The following SERPINA6 variants were observed in gnomAD, a reference collection of about 807,000 sequenced individuals.
SERPINA6 encodes the protein corticosteroid-binding globulin.
In SERPINA6, 19 loss-of-function variants were observed where a neutral mutation model predicts 26.4. That is an observed-to-expected ratio of 0.72 (90% CI 0.50 to 1.06). The LOEUF (loss-of-function observed/expected upper bound fraction) is 1.06. SERPINA6 is among the 50% of genes least tolerant of loss of function. The probability of loss-of-function intolerance (pLI) is 0.00; values close to 1 mark genes in which losing one functional copy is unlikely to be tolerated. For synonymous variants in SERPINA6, 196 were observed against 199.4 expected (o/e 0.98, Z 0.14); for missense variants, 473 against 504.0 (o/e 0.94, Z 0.59).
chr14:94,318,206 C>T (rs557462657), intron 1 of SERPINA6, among the ~76,000 whole-genome samples: 1 of 152,240 alleles, frequency 6.6e-6, no homozygotes, highest in Admixed American at 6.5e-5. Context: ...AGACATCCTG[C>T]ATTCATGGAT....
At chr14:94,309,664 T>G in intron 3 of SERPINA6, 72 bp downstream of exon 3, 2 of 1,557,688 alleles carry the variant, frequency 1.3e-6, no homozygotes, top group East Asian at 4.5e-5. Flanking sequence ...CCCAGCATAC[T>G]CCCTTTCCAC....
chr14:94,304,652 C>T (rs376277710), intron 4 of SERPINA6, 49 bp from the exon 5 acceptor site: 43 of 1,524,032 alleles, frequency 2.8e-5, no homozygotes, highest in South Asian at 1.8e-4. Flanking sequence ...TGTGCGTTCT[C>T]GCTTTCCTGA....
At chr14:94,305,923 G>A (rs1895431102) in intron 4 of SERPINA6, 148 bp downstream of exon 4, 6 of 806,672 alleles carry the variant, frequency 7.4e-6, no homozygotes, top group Non-Finnish European at 4.1e-6. Context: ...TTACCTCATG[G>A]TGAGACAAGG....
chr14:94,313,568 T>C (rs916105982), intron 2 of SERPINA6, among the ~76,000 whole-genome samples: 1 of 152,138 alleles, frequency 6.6e-6, no homozygotes, highest in African/African-American at 2.4e-5. Context: ...GGAAGTGCAT[T>C]CCCCCCTAGA....
At chr14:94,323,050 C>T (rs987357287) in intron 1 of SERPINA6, among the ~76,000 whole-genome samples, 5 of 152,204 alleles carry the variant, frequency 3.3e-5, no homozygotes, top group African/African-American at 1.2e-4. Context: ...ATGGCAGGAA[C>T]CCAGGGGACA....
chr14:94,322,958 T>C (rs1296425394), intron 1 of SERPINA6, among the ~76,000 whole-genome samples: 1 of 152,186 alleles, frequency 6.6e-6, no homozygotes, highest in African/African-American at 2.4e-5. Context: ...CTGTTGTGGC[T>C]ATCTGGCTGG....
At chr14:94,310,059 G>A in intron 2 of SERPINA6, 53 bp from the exon 3 acceptor site, 3 of 1,590,984 alleles carry the variant, frequency 1.9e-6, no homozygotes, top group Non-Finnish European at 2.6e-6. Flanking sequence ...CACAGTTCCA[G>A]GTGATCTCAC....
intron 1 of SERPINA6, among the ~76,000 whole-genome samples, chr14:94,317,222 A>G (rs1445444441): frequency 6.6e-6 from 1 of 152,252 alleles, no homozygotes; most frequent in African/African-American, 2.4e-5. Context: ...ATGTTTCAAC[A>G]TACAAAAATT....
At chr14:94,312,784 C>T (rs532018785) in intron 2 of SERPINA6, among the ~76,000 whole-genome samples, 7 of 145,730 alleles carry the variant, frequency 4.8e-5, no homozygotes, top group Non-Finnish European at 9.0e-5. Context: ...TAAGGAGGTG[C>T]GGGATGGGAG....
intron 2 of SERPINA6, among the ~76,000 whole-genome samples, chr14:94,313,462 G>A (rs1566728017): frequency 6.6e-6 from 1 of 152,236 alleles, no homozygotes; most frequent in Admixed American, 6.5e-5. Flanking sequence ...TCAGAGAGAT[G>A]TGATGAGGGA....
Position 94,306,192 on chromosome 14 carries a change from AC to A in SERPINA6, c.910del (p.Val304SerfsTer37). 1.2e-6 allele frequency: 2 copies of A among 1,614,172 alleles called. No individual in the cohort carries two copies. The highest frequency in any genetic ancestry group is 1.7e-6 in the Non-Finnish European group (2 of 1,180,026). On this transcript the variant is annotated frameshift_variant, in exon 4 of 5. Coordinates refer to ENST00000341584, the MANE Select transcript of SERPINA6 (RefSeq NM_001756.4). LOFTEE classifies it high-confidence loss of function. ...GAGGTCATAGACTCCAGAGATGGTG[AC>A]CTTTGGAATGTACAGGTCCACCTGG... ...SSQVDLYIPK[V>X]TISGVYDLGD...
intron 3 of SERPINA6, among the ~76,000 whole-genome samples, chr14:94,309,228 C>T (rs760545747): frequency 3.9e-5 from 6 of 152,224 alleles, no homozygotes; most frequent in Non-Finnish European, 8.8e-5. Context: ...TAGTTGTTTA[C>T]TGATGATTGA....
intron 3 of SERPINA6, among the ~76,000 whole-genome samples, chr14:94,308,731 T>C (rs1895478103): frequency 6.6e-6 from 1 of 152,206 alleles, no homozygotes; most frequent in Non-Finnish European, 1.5e-5. Flanking sequence ...ATAATTTCAA[T>C]TACTGTCTAG....
rs1289747094 is a variant in SERPINA6, at chr14:94,309,673, A to G, written c.884+63T>C. On this transcript the variant is annotated intron_variant, in intron 3 of 4. Transcript: ENST00000341584. ...GGATGCCCCAGCATACTCCCTTTCC[A>G]CGTGCCCCACTTTCTGGGGACACGT... The G allele has an allele frequency of 3.2e-6, 5 of 1,585,224 alleles. 1 individual carries two copies. The South Asian group carries it at 3.3e-5, about 10-fold the overall frequency.
At chr14:94,320,868 A>G (rs892871046) in intron 1 of SERPINA6, among the ~76,000 whole-genome samples, 7 of 152,142 alleles carry the variant, frequency 4.6e-5, no homozygotes, top group African/African-American at 1.7e-4. Flanking sequence ...GGCAGGTGTG[A>G]CCTGCTCCCC....
intron 1 of SERPINA6, among the ~76,000 whole-genome samples, chr14:94,318,159 T>C (rs1184112430): frequency 1.3e-5 from 2 of 152,148 alleles, no homozygotes; most frequent in Non-Finnish European, 2.9e-5. Context: ...TACAAAACAG[T>C]GCTGAAGGCA....
chr14:94,314,083 A>C lies in SERPINA6; in HGVS notation c.566T>G (p.Leu189Arg). The C allele has an allele frequency of 6.2e-7, 1 of 1,614,208 alleles. No homozygotes were observed. Among genetic ancestry groups the C allele is most frequent in the Non-Finnish European group, 8.5e-7 (1 of 1,180,030 alleles). The change falls in exon 2 of 5, where the codon CTG (leucine) becomes CGG (arginine). Residue 189 changes from leucine (L) to arginine (R), a missense_variant. Coordinates refer to ENST00000341584, the MANE Select transcript of SERPINA6 (RefSeq NM_001756.4). ...CAGGACGAGGATGGCTGGGCTATCC[A>C]GCCCTGAAAACAAGTCGACAATTTT... ...QGKIVDLFSG[L>R]DSPAILVLVN... is the part of the protein sequence containing the mutation.
rs142456021 is a variant in SERPINA6 at position 94,319,864 on chromosome 14, G to A, written c.-20+3403C>T. On this transcript the variant is annotated intron_variant, in intron 1 of 4. Transcript: ENST00000341584. Reference sequence around the variant, plus strand: ...CAGTCTGGGATGATGAAAAAGTTCCGGACATGGAAGGTGGTGATGGTGGCA... The same window carrying A: ...CAGTCTGGGATGATGAAAAAGTTCCAGACATGGAAGGTGGTGATGGTGGCA... Among the ~76,000 whole-genome samples the A allele has an allele frequency of 2.5e-4, 38 of 152,232 alleles. No homozygotes were observed. In the East Asian group the frequency reaches 3.7e-3, roughly 15 times the overall value.
intron 2 of SERPINA6, among the ~76,000 whole-genome samples, chr14:94,313,663 A>T (rs1895565595): frequency 6.6e-6 from 1 of 152,140 alleles, no homozygotes; most frequent in Non-Finnish European, 1.5e-5. Flanking sequence ...CTTTGGGGGC[A>T]TCTGGGAGTT....
Sources: gnomAD v4.1 joint callset for allele counts (sites outside exome capture counted in the v4.1 genomes callset) on GRCh38, gnomAD v4.1.1 for gene constraint, MANE v1.5 for transcripts, NCBI Gene and HGNC (gene_info 2026-07-23, HGNC 2026-07-21) for gene names.